AIG1: variants seen among roughly 807,000 people sequenced by gnomAD.
The protein encoded by AIG1 is androgen-induced gene 1 protein.
AIG1 carries 23 observed loss-of-function variants against 31.4 expected under a neutral mutation model. That is an observed-to-expected ratio of 0.73 (90% CI 0.53 to 1.04). The LOEUF is 1.04. Among genes scored for constraint, AIG1 ranks in the 50% least tolerant of loss-of-function variants. The pLI is 0.00. For missense variants in AIG1, 274 were observed against 295.0 expected (o/e 0.93, Z 0.52); for synonymous variants, 100 against 110.5 (o/e 0.90, Z 0.60).
chr6:143,327,490 T>C lies in AIG1; in HGVS notation c.516-5792T>C. On this transcript the variant is annotated intron_variant, in intron 4 of 5. Transcript: ENST00000357847. The surrounding 1 kb of genome is among the most constrained non-coding windows in gnomAD (Gnocchi z 5.3). The stretch of plus-strand genomic sequence containing the variant: ...GCATTGATACCAGGCCCAACAAAAC[T>C]GTCTGGGCCAAAGGAATAAGGAATG... The C allele has an allele frequency of 5.2e-6, 2 of 385,048 alleles. No homozygotes were observed. Among genetic ancestry groups the C allele is most frequent in the Non-Finnish European group, 9.9e-6 (2 of 202,600 alleles). The allele number at this position is 385,048 out of a possible 1,614,324, so 23.9% of individuals were successfully genotyped here.
chr6:143,308,823 T>C (rs181306924), intron 4 of AIG1, among the ~76,000 whole-genome samples: 2 of 152,342 alleles, frequency 1.3e-5, no homozygotes, highest in East Asian at 3.9e-4. Context: ...TTAGTTACTT[T>C]AATCTGTGAA....
At chr6:143,155,048 G>A (rs1785606461) in intron 2 of AIG1, among the ~76,000 whole-genome samples, 1 of 143,034 alleles carries the variant, frequency 7.0e-6, no homozygotes, top group African/African-American at 2.6e-5. Context: ...TAGTAGTGAT[G>A]TGGTTTCGCC....
intron 3 of AIG1, among the ~76,000 whole-genome samples, chr6:143,245,057 G>A (rs1242109965): frequency 6.6e-6 from 1 of 152,212 alleles, no homozygotes; most frequent in African/African-American, 2.4e-5. Context: ...AGCAGCCATT[G>A]TCTCTTTTAG....
At chr6:143,113,379 C>T (rs1430924255) in intron 1 of AIG1, among the ~76,000 whole-genome samples, 2 of 151,830 alleles carry the variant, frequency 1.3e-5, no homozygotes, top group African/African-American at 2.4e-5. Context: ...CTGAGGTGGG[C>T]GGATCACGAG....
intron 1 of AIG1, among the ~76,000 whole-genome samples, chr6:143,121,551 GT>G (rs1310427916): frequency 1.3e-5 from 2 of 151,978 alleles, no homozygotes; most frequent in Admixed American, 1.3e-4. Flanking sequence ...CCACAAAGAT[GT>G]CACTGTTAGC....
intron 4 of AIG1, among the ~76,000 whole-genome samples, chr6:143,296,162 A>G (rs1235108778): frequency 6.6e-6 from 1 of 151,988 alleles, no homozygotes; most frequent in Non-Finnish European, 1.5e-5. Context: ...CCTGCCATCC[A>G]TTTCTCCAAT....
chr6:143,199,795 C>T (rs1790541815), intron 3 of AIG1, among the ~76,000 whole-genome samples: 1 of 152,120 alleles, frequency 6.6e-6, no homozygotes, highest in African/African-American at 2.4e-5. Context: ...GCAAATAAGA[C>T]AGTGCCTTAG....
At chr6:143,265,529 C>CTCAGATTCTCAGACCTCACAGTGAGA (rs1796096432) in intron 3 of AIG1, among the ~76,000 whole-genome samples, 3 of 152,156 alleles carry the variant, frequency 2.0e-5, no homozygotes, top group Admixed American at 6.5e-5. Flanking sequence ...CGGTCCTCAA[C>CTCAGATTCTCAGACCTCACAGTGAGA]TCAGATTCTC....
At chr6:143,314,513 T>C (rs954310280) in intron 4 of AIG1, among the ~76,000 whole-genome samples, 1 of 152,170 alleles carries the variant, frequency 6.6e-6, no homozygotes, top group Non-Finnish European at 1.5e-5. Flanking sequence ...ATCAATTGCT[T>C]TCCTATAACT....
At chr6:143,088,482 A>T (rs1000939565) in intron 1 of AIG1, among the ~76,000 whole-genome samples, 2 of 152,210 alleles carry the variant, frequency 1.3e-5, no homozygotes, top group African/African-American at 4.8e-5. Context: ...TGAAAGAACC[A>T]TTTACAATTG....
chr6:143,219,529 T>C (rs1329595652), intron 3 of AIG1, among the ~76,000 whole-genome samples: 1 of 152,202 alleles, frequency 6.6e-6, no homozygotes, highest in Non-Finnish European at 1.5e-5. Context: ...TTTCAAGCCT[T>C]GGAGTTGTTT....
chr6:143,178,084 G>A (rs538394433), intron 3 of AIG1, among the ~76,000 whole-genome samples: 5 of 152,320 alleles, frequency 3.3e-5, no homozygotes, highest in East Asian at 3.9e-4. Context: ...CAGGCAGGTA[G>A]CTCTTGGATT....
intron 1 of AIG1, among the ~76,000 whole-genome samples, chr6:143,107,552 C>CA (rs564713528): frequency 5.6e-4 from 82 of 146,886 alleles, no homozygotes; most frequent in South Asian, 1.5e-3. Flanking sequence ...TAACTGCAAG[C>CA]AAAAAAAAAA....
intron 1 of AIG1, among the ~76,000 whole-genome samples, chr6:143,070,524 T>C (rs1435124538): frequency 1.3e-5 from 2 of 152,208 alleles, no homozygotes; most frequent in Non-Finnish European, 2.9e-5. Context: ...GGGTAATTTA[T>C]AAAGAAAAGA....
intron 1 of AIG1, among the ~76,000 whole-genome samples, chr6:143,122,407 G>T (rs1334481): frequency 0.21 from 31,370 of 151,556 alleles, 6,278 homozygotes; most frequent in African/African-American, 0.5. Context: ...AGAATAGAAA[G>T]GTAAAAAAAA....
intron 3 of AIG1, 123 bp from the exon 4 acceptor site, chr6:143,283,987 T>C (rs963364766): frequency 1.7e-6 from 1 of 603,028 alleles, no homozygotes; most frequent in Non-Finnish European, 2.9e-6. Flanking sequence ...TGGCGAGCCA[T>C]AGACTTCTTT....
intron 3 of AIG1, among the ~76,000 whole-genome samples, chr6:143,242,481 A>G (rs1428572529): frequency 6.6e-6 from 1 of 152,248 alleles, no homozygotes; most frequent in Non-Finnish European, 1.5e-5. Context: ...TTTCAGATGA[A>G]AAAGTTAATC....
At position 143,152,929 on chromosome 6, in the gene AIG1, C is replaced by G. The variant is rs530141394; in HGVS notation, c.298-12153C>G. 4.6e-5 allele frequency among the ~76,000 whole-genome samples: 7 copies of G among 152,272 alleles called. No individual in the cohort carries two copies. In the East Asian group the frequency reaches 1.2e-3, roughly 25 times the overall value. Reference sequence around the variant, plus strand: ...ATAGCCATCATTCTCATGTTTTGGTCAGTGGCAAAACTGGCCAGATAGAGA... The same window carrying G: ...ATAGCCATCATTCTCATGTTTTGGTGAGTGGCAAAACTGGCCAGATAGAGA... On this transcript the variant is annotated intron_variant, in intron 2 of 5. Coordinates refer to ENST00000357847, the MANE Select transcript of AIG1 (RefSeq NM_016108.4).
chr6:143,185,696 G>A (rs1583450557), intron 3 of AIG1, among the ~76,000 whole-genome samples: 1 of 152,040 alleles, frequency 6.6e-6, no homozygotes, highest in African/African-American at 2.4e-5. Context: ...GCAGGCACAT[G>A]GTCTTAGCAT....
Sources: gnomAD v4.1 joint callset for allele counts (sites outside exome capture counted in the v4.1 genomes callset) on GRCh38, gnomAD v4.1.1 for gene constraint, Gnocchi (gnomAD v3.1) non-coding constraint, MANE v1.5 for transcripts, NCBI Gene and HGNC (gene_info 2026-07-23, HGNC 2026-07-21) for gene names.